GPC6: variants seen among roughly 807,000 people sequenced by gnomAD.
The protein encoded by GPC6 is glypican-6.
A neutral mutation model predicts 55.2 loss-of-function variants in GPC6; 14 were observed. The observed-to-expected ratio is 0.25, with a 90% CI of 0.17 to 0.40. GPC6 has a LOEUF of 0.40. Among genes scored for constraint, GPC6 ranks in the 10% least tolerant of loss-of-function variants. The pLI is 1.00. For missense variants in GPC6, 641 were observed against 708.5 expected (o/e 0.90, Z 1.08); for synonymous variants, 278 against 259.6 (o/e 1.07, Z -0.68).
At chr13:93,907,466 CTG>C (rs1427065781) in intron 3 of GPC6, among the ~76,000 whole-genome samples, 1 of 152,114 alleles carries the variant, frequency 6.6e-6, no homozygotes, top group African/African-American at 2.4e-5. Context: ...GATAAACGAT[CTG>C]TATTCCTTAA....
intron 8 of GPC6, among the ~76,000 whole-genome samples, chr13:94,402,011 G>A (rs1175305712): frequency 6.6e-6 from 1 of 152,130 alleles, no homozygotes; most frequent in Non-Finnish European, 1.5e-5. Flanking sequence ...ATACTTTTAT[G>A]TAAATAAACC....
At chr13:93,592,493 C>T (rs926076910) in intron 2 of GPC6, among the ~76,000 whole-genome samples, 2 of 150,222 alleles carry the variant, frequency 1.3e-5, no homozygotes, top group Non-Finnish European at 3.0e-5. Context: ...TAGTGATCCA[C>T]CCACCTCAGC....
intron 3 of GPC6, among the ~76,000 whole-genome samples, chr13:93,886,110 G>T (rs1875309952): frequency 6.6e-6 from 1 of 152,000 alleles, no homozygotes; most frequent in African/African-American, 2.4e-5. Flanking sequence ...AAAAATTATG[G>T]CTATGCCAAA....
intron 4 of GPC6, among the ~76,000 whole-genome samples, chr13:94,239,388 A>G (rs922258161): frequency 6.6e-6 from 1 of 152,122 alleles, no homozygotes; most frequent in Non-Finnish European, 1.5e-5. Context: ...GTGGTTAAAT[A>G]ATTTGTATTT....
At chr13:93,328,339 G>A (rs1042767866) in intron 1 of GPC6, among the ~76,000 whole-genome samples, 43 of 152,104 alleles carry the variant, frequency 2.8e-4, no homozygotes, top group African/African-American at 9.4e-4. Context: ...ACAGTCTATA[G>A]AGGTTACCTT....
At chr13:93,997,176 T>A (rs1466422211) in intron 3 of GPC6, among the ~76,000 whole-genome samples, 1 of 152,192 alleles carries the variant, frequency 6.6e-6, no homozygotes, top group East Asian at 1.9e-4. Flanking sequence ...TAGGTTTTGA[T>A]GAATGAATGA....
At chr13:93,430,087 C>T (rs989523430) in intron 1 of GPC6, among the ~76,000 whole-genome samples, 1 of 152,032 alleles carries the variant, frequency 6.6e-6, no homozygotes, top group Non-Finnish European at 1.5e-5. Context: ...AGTACTTAGA[C>T]TGTATGGGAG....
chr13:93,389,442 T>C (rs2139215504), intron 1 of GPC6, among the ~76,000 whole-genome samples: 1 of 150,900 alleles, frequency 6.6e-6, no homozygotes, highest in Non-Finnish European at 1.5e-5. Flanking sequence ...AGGTGGAGCT[T>C]GTAGTGAGCC....
intron 2 of GPC6, among the ~76,000 whole-genome samples, chr13:93,822,659 A>G (rs1018801081): frequency 5.8e-5 from 8 of 137,952 alleles, no homozygotes; most frequent in African/African-American, 2.2e-4. Context: ...ATGTGTTCTC[A>G]TTGTACAACT....
At chr13:94,158,196 A>G (rs774682801) in intron 4 of GPC6, among the ~76,000 whole-genome samples, 20 of 152,186 alleles carry the variant, frequency 1.3e-4, no homozygotes, top group Non-Finnish European at 2.4e-4. Flanking sequence ...ATTTTGTAAT[A>G]GCAAAATTAT....
chr13:94,332,966 G>A (rs149569026), intron 6 of GPC6, among the ~76,000 whole-genome samples: 96 of 152,292 alleles, frequency 6.3e-4, no homozygotes, highest in African/African-American at 2.2e-3. Context: ...AAATCATTGC[G>A]AGGATTCTGT....
chr13:94,017,966 A>C (rs1882539164), intron 3 of GPC6, among the ~76,000 whole-genome samples: 1 of 152,120 alleles, frequency 6.6e-6, no homozygotes, highest in Non-Finnish European at 1.5e-5. Flanking sequence ...TACAGTGTTA[A>C]ACAGCAGTGA....
chr13:93,955,739 AT>A lies in GPC6; in HGVS notation c.712-71987del, dbSNP rs149078706. 0.012 allele frequency among the ~76,000 whole-genome samples: 1,761 copies of A among 152,224 alleles called. 65 individuals are homozygous for A. The East Asian group carries it at 0.12, about 10-fold the overall frequency. ...TAACAATCAGAGTCCTCACAATATT[AT>A]TTCGGGTAGGGTAACTGTTTTACTC... On this transcript the variant is annotated intron_variant, in intron 3 of 8. Coordinates refer to ENST00000377047, the MANE Select transcript of GPC6 (RefSeq NM_005708.5).
intron 1 of GPC6, among the ~76,000 whole-genome samples, chr13:93,535,181 A>G (rs1430176128): frequency 1.3e-5 from 2 of 152,214 alleles, no homozygotes; most frequent in Non-Finnish European, 2.9e-5. Flanking sequence ...TATTAGACAT[A>G]TTATGAAGAA....
At chr13:93,416,648 G>A (rs528068698) in intron 1 of GPC6, among the ~76,000 whole-genome samples, 4 of 151,946 alleles carry the variant, frequency 2.6e-5, no homozygotes, top group Admixed American at 1.3e-4. Flanking sequence ...TACATTCTTC[G>A]AAACTATTTT....
chr13:94,368,116 T>C, intron 6 of GPC6, among the ~76,000 whole-genome samples: 1 of 134,486 alleles, frequency 7.4e-6, no homozygotes, highest in South Asian at 2.4e-4. Context: ...ACCACTGCAC[T>C]CCAGCCTGGT....
intron 2 of GPC6, among the ~76,000 whole-genome samples, chr13:93,554,275 A>G (rs1460002328): frequency 6.6e-6 from 1 of 152,188 alleles, no homozygotes; most frequent in Non-Finnish European, 1.5e-5. Context: ...TGTATATTCA[A>G]CAGTAAATTA....
intron 3 of GPC6, among the ~76,000 whole-genome samples, chr13:93,908,369 A>G (rs1303009269): frequency 6.6e-6 from 1 of 152,218 alleles, no homozygotes; most frequent in African/African-American, 2.4e-5. Flanking sequence ...TGATTAGAGC[A>G]CAAATGAGTC....
chr13:93,273,257 A>G (rs1026623629), intron 1 of GPC6, among the ~76,000 whole-genome samples: 2 of 152,238 alleles, frequency 1.3e-5, no homozygotes, highest in Admixed American at 1.3e-4. Context: ...GCACTTTAAG[A>G]GAGATATTAT....
Sources: allele counts gnomAD v4.1 joint callset (sites outside exome capture counted in the v4.1 genomes callset), GRCh38; gene constraint gnomAD v4.1.1; transcripts MANE v1.5; gene names NCBI Gene and HGNC (gene_info 2026-07-23, HGNC 2026-07-21).